The following NAALADL2 variants were observed in gnomAD, a reference collection of about 807,000 sequenced individuals.
The protein encoded by NAALADL2 is inactive N-acetylated-alpha-linked acidic dipeptidase-like protein 2.
Under a neutral mutation model 87.2 loss-of-function variants are expected in NAALADL2, and 76 were observed. The ratio of observed to expected loss-of-function variants is 0.87; its 90% CI spans 0.72 to 1.05. The LOEUF (loss-of-function observed/expected upper bound fraction) is 1.05. Among genes scored for constraint, NAALADL2 ranks in the 50% least tolerant of loss-of-function variants. NAALADL2 has a pLI of 0.00. For synonymous variants in NAALADL2, 354 were observed against 331.0 expected (o/e 1.07, Z -0.75); for missense variants, 1,089 against 945.8 (o/e 1.15, Z -1.99).
chr3:175,727,151 A>T (rs1201350824), intron 11 of NAALADL2, among the ~76,000 whole-genome samples: 1 of 152,074 alleles, frequency 6.6e-6, no homozygotes, highest in Non-Finnish European at 1.5e-5. Flanking sequence ...CGGCTCCAGA[A>T]ATTCTGCAAC....
intron 2 of NAALADL2, among the ~76,000 whole-genome samples, chr3:175,160,360 C>CTTTTTTTTTTTTTTTTTTTTTTTTTTT (rs71164618): frequency 3.5e-5 from 2 of 57,036 alleles, no homozygotes; most frequent in Admixed American, 2.3e-4. Flanking sequence ...TCTTTTCTTT[C>CTTTTTTTTTTTTTTTTTTTTTTTTTTT]TTTTTTTTTT....
intron 1 of NAALADL2, among the ~76,000 whole-genome samples, chr3:174,992,523 A>G (rs990016439): frequency 2.0e-5 from 3 of 151,994 alleles, no homozygotes; most frequent in African/African-American, 7.2e-5. Flanking sequence ...TACTAACTCA[A>G]CATGTTTTTA....
intron 2 of NAALADL2, among the ~76,000 whole-genome samples, chr3:174,614,865 C>T (rs1720296207): frequency 6.6e-6 from 1 of 151,938 alleles, no homozygotes; most frequent in Admixed American, 6.6e-5. Context: ...GAATTAATCT[C>T]CTGAAGATGG....
At chr3:174,510,762 T>A (rs946555662) in intron 1 of NAALADL2, among the ~76,000 whole-genome samples, 15 of 151,748 alleles carry the variant, frequency 9.9e-5, no homozygotes, top group African/African-American at 2.7e-4. Flanking sequence ...TTTTTTACTT[T>A]TTTTTAACTT....
chr3:175,212,358 C>T (rs921471991), intron 2 of NAALADL2, among the ~76,000 whole-genome samples: 1 of 151,630 alleles, frequency 6.6e-6, no homozygotes, highest in Non-Finnish European at 1.5e-5. Flanking sequence ...GAGTTATATC[C>T]CATTAACTAG....
intron 3 of NAALADL2, among the ~76,000 whole-genome samples, chr3:174,842,118 C>A (rs1170642239): frequency 1.3e-5 from 2 of 149,888 alleles, no homozygotes; most frequent in African/African-American, 4.9e-5. Flanking sequence ...TTGGCGTGAT[C>A]TCTGCTCACC....
chr3:175,166,288 T>C (rs1357123014), intron 2 of NAALADL2, among the ~76,000 whole-genome samples: 1 of 152,050 alleles, frequency 6.6e-6, no homozygotes, highest in African/African-American at 2.4e-5. Flanking sequence ...AAATCTGCTT[T>C]TATTCTGACT....
intron 5 of NAALADL2, among the ~76,000 whole-genome samples, chr3:175,332,233 G>A (rs1032944252): frequency 1.2e-4 from 18 of 152,078 alleles, no homozygotes; most frequent in African/African-American, 4.3e-4. Context: ...TATAATATTT[G>A]AAGGGAACCA....
intron 2 of NAALADL2, among the ~76,000 whole-genome samples, chr3:174,625,554 A>G (rs1219692646): frequency 2.6e-5 from 4 of 151,846 alleles, no homozygotes; most frequent in African/African-American, 9.7e-5. Flanking sequence ...AAAACATTTT[A>G]GTTTGAAATA....
chr3:174,606,051 G>C (rs1659224425), intron 2 of NAALADL2, among the ~76,000 whole-genome samples: 1 of 152,218 alleles, frequency 6.6e-6, no homozygotes, highest in African/African-American at 2.4e-5. Context: ...CTGATACCCA[G>C]GCAAACAGGG....
At chr3:174,852,866 A>G (rs1185992961) in intron 3 of NAALADL2, among the ~76,000 whole-genome samples, 4 of 152,154 alleles carry the variant, frequency 2.6e-5, no homozygotes. Context: ...GGATGCATAG[A>G]TGATGGAGCA....
At chr3:175,008,791 A>C (rs77253779) in intron 1 of NAALADL2, among the ~76,000 whole-genome samples, 2,587 of 151,866 alleles carry the variant, frequency 0.017, 63 homozygotes, top group African/African-American at 0.058. Flanking sequence ...GATTCCTTGC[A>C]GTTCCATGTT....
chr3:175,140,834 T>C (rs550677777), intron 2 of NAALADL2, among the ~76,000 whole-genome samples: 61 of 152,212 alleles, frequency 4.0e-4, no homozygotes, highest in Middle Eastern at 3.4e-3. Context: ...TGAGTAAATA[T>C]GTATATAGGT....
At chr3:175,109,891 G>T (rs950824362) in intron 2 of NAALADL2, among the ~76,000 whole-genome samples, 70 of 151,940 alleles carry the variant, frequency 4.6e-4, no homozygotes, top group Non-Finnish European at 8.3e-4. Flanking sequence ...AGCATATGGT[G>T]CTACGTTCTC....
intron 5 of NAALADL2, among the ~76,000 whole-genome samples, chr3:175,386,688 C>G (rs1050756493): frequency 2.0e-5 from 3 of 152,082 alleles, no homozygotes; most frequent in African/African-American, 7.2e-5. Context: ...AATTGCCCAC[C>G]ATTCTGGTTA....
intron 1 of NAALADL2, among the ~76,000 whole-genome samples, chr3:174,511,147 T>A (rs1719575497): frequency 6.6e-6 from 1 of 152,060 alleles, no homozygotes; most frequent in Admixed American, 6.5e-5. Flanking sequence ...ATGGACTTTA[T>A]AAATACGGAA....
At chr3:174,469,790 T>C (rs1716786792) in intron 1 of NAALADL2, among the ~76,000 whole-genome samples, 1 of 151,960 alleles carries the variant, frequency 6.6e-6, no homozygotes, top group African/African-American at 2.4e-5. Context: ...GGTTTGTGTA[T>C]GTGTGTGTGT....
chr3:175,718,730 A>C, intron 11 of NAALADL2: 14 of 1,214,784 alleles, frequency 1.2e-5, no homozygotes, highest in Non-Finnish European at 1.6e-5. Context: ...GATCAAGACC[A>C]ACCTGGGCAA....
At chr3:175,478,780 T>A (rs1726059874) in intron 9 of NAALADL2, among the ~76,000 whole-genome samples, 1 of 151,888 alleles carries the variant, frequency 6.6e-6, no homozygotes, top group Admixed American at 6.6e-5. Context: ...GAATCACTAC[T>A]GTTGGGAGGT....
Sources: allele counts gnomAD v4.1 joint callset (sites outside exome capture counted in the v4.1 genomes callset), GRCh38; gene constraint gnomAD v4.1.1; transcripts MANE v1.5; gene names NCBI Gene and HGNC (gene_info 2026-07-23, HGNC 2026-07-21).